The following RB1 variants were observed in gnomAD, a reference collection of about 807,000 sequenced individuals.
RB1 encodes retinoblastoma-associated protein.
A neutral mutation model predicts 135.4 loss-of-function variants in RB1; 18 were observed. The observed-to-expected ratio is 0.13, with a 90% CI of 0.09 to 0.20. RB1 has a LOEUF of 0.20. RB1 is among the 10% of genes least tolerant of loss of function. The probability of loss-of-function intolerance (pLI) is 1.00; values close to 1 mark genes in which losing one functional copy is unlikely to be tolerated. For missense variants in RB1, 868 were observed against 1,110.0 expected (o/e 0.78, Z 3.10); for synonymous variants, 365 against 373.2 (o/e 0.98, Z 0.25).
At chr13:48,433,924 A>G (rs193128108) in intron 17 of RB1, among the ~76,000 whole-genome samples, 28 of 151,684 alleles carry the variant, frequency 1.8e-4, no homozygotes, top group African/African-American at 5.8e-4. Context: ...GGGTCTTGCT[A>G]TGTTGCCCAG....
At chr13:48,451,112 T>A (rs1217847909) in intron 17 of RB1, among the ~76,000 whole-genome samples, 1 of 151,862 alleles carries the variant, frequency 6.6e-6, no homozygotes, top group Non-Finnish European at 1.5e-5. Flanking sequence ...TCTTCCTATA[T>A]GAATATCTTT....
chr13:48,388,826 A>G (rs1948590895), intron 17 of RB1, among the ~76,000 whole-genome samples: 1 of 152,158 alleles, frequency 6.6e-6, no homozygotes, highest in Admixed American at 6.6e-5. Context: ...TTGAAATAGA[A>G]CAGCCAGGAA....
intron 17 of RB1, among the ~76,000 whole-genome samples, chr13:48,405,832 A>G (rs1474079718): frequency 6.6e-6 from 1 of 152,180 alleles, no homozygotes; most frequent in African/African-American, 2.4e-5. Flanking sequence ...TCTTTTTATA[A>G]AAATAAGCAG....
At position 48,319,376 on chromosome 13, in the gene RB1, G is replaced by A. The variant is rs117465025; in HGVS notation, c.264+11970G>A. 6.3e-3 allele frequency: 2,857 copies of A among 453,714 alleles called. 19 individuals are homozygous for A. Among genetic ancestry groups the A allele is most frequent in the Non-Finnish European group, 8.5e-3 (2,064 of 243,638 alleles). The allele number at this position is 453,714 out of a possible 1,614,324, so 28.1% of individuals were successfully genotyped here. A position where few individuals can be genotyped will look rare whatever the true frequency, so the allele number is the denominator to read the frequency against. On this transcript the variant is annotated intron_variant, in intron 2 of 26. Transcript: ENST00000267163. The surrounding 1 kb of genome is among the most constrained non-coding windows in gnomAD (Gnocchi z 5.0). Reference sequence around the variant, plus strand: ...TTTGCCGCAGCTAGTACACCTGGATGGCCTCCTCAGTGCCGTCGTTGCTGC... The same window carrying A: ...TTTGCCGCAGCTAGTACACCTGGATAGCCTCCTCAGTGCCGTCGTTGCTGC...
intron 4 of RB1, among the ~76,000 whole-genome samples, chr13:48,346,378 G>C (rs903378032): frequency 1.8e-5 from 2 of 112,670 alleles, no homozygotes; most frequent in Admixed American, 7.8e-5. Flanking sequence ...ATATGTGTGT[G>C]TGTGTGTGTG....
At chr13:48,414,119 A>T (rs1948866223) in intron 17 of RB1, among the ~76,000 whole-genome samples, 1 of 152,156 alleles carries the variant, frequency 6.6e-6, no homozygotes, top group Non-Finnish European at 1.5e-5. Context: ...AGGCCGAGGC[A>T]GGTGGATCAC....
chr13:48,314,498 G>T (rs1423360141), intron 2 of RB1, among the ~76,000 whole-genome samples: 2 of 151,636 alleles, frequency 1.3e-5, no homozygotes, highest in African/African-American at 4.8e-5. Context: ...TATTTTTTTT[G>T]GATAAGAGCA....
chr13:48,346,793 A>T (rs986419518), intron 4 of RB1, among the ~76,000 whole-genome samples: 4 of 152,112 alleles, frequency 2.6e-5, no homozygotes, highest in Admixed American at 2.6e-4. Context: ...AAATGACTGG[A>T]GAGAAGTTTA....
chr13:48,444,872 C>T (rs567506037), intron 17 of RB1: 1 of 152,122 alleles, frequency 6.6e-6, no homozygotes, highest in Non-Finnish European at 1.5e-5. Context: ...AGAGAAGGTC[C>T]GAGGCCTGCC....
intron 20 of RB1, among the ~76,000 whole-genome samples, chr13:48,461,257 T>C (rs1280192866): frequency 1.3e-5 from 2 of 152,220 alleles, no homozygotes; most frequent in Non-Finnish European, 2.9e-5. Flanking sequence ...CATGGAATTA[T>C]ATAATATGTG....
At chr13:48,315,791 A>G (rs889310226) in intron 2 of RB1, among the ~76,000 whole-genome samples, 2 of 151,064 alleles carry the variant, frequency 1.3e-5, no homozygotes, top group African/African-American at 5.0e-5. Flanking sequence ...TGCAGTTGTG[A>G]ATTGTGCTGC....
intron 17 of RB1, among the ~76,000 whole-genome samples, chr13:48,398,633 T>G (rs1265275267): frequency 6.6e-6 from 1 of 152,072 alleles, no homozygotes; most frequent in East Asian, 1.9e-4. Flanking sequence ...GTCACCCAGT[T>G]GGCATTTGAA....
At chr13:48,338,369 T>C (rs1395766635) in intron 2 of RB1, among the ~76,000 whole-genome samples, 2 of 152,232 alleles carry the variant, frequency 1.3e-5, no homozygotes, top group Non-Finnish European at 2.9e-5. Flanking sequence ...TTGTAGGCTT[T>C]ATTTGTTTCT....
intron 9 of RB1, 151 bp downstream of exon 9, chr13:48,365,122 T>G: frequency 1.1e-6 from 1 of 949,580 alleles, no homozygotes. Flanking sequence ...TGAAACTAAC[T>G]TTTGTATAGT....
chr13:48,354,749 G>A (rs925473505), intron 6 of RB1, among the ~76,000 whole-genome samples: 7 of 151,990 alleles, frequency 4.6e-5, no homozygotes, highest in Admixed American at 4.6e-4. Context: ...AGAACAGAGA[G>A]CCCAGAAACA....
At chr13:48,305,302 T>C (rs779315575) in intron 1 of RB1, among the ~76,000 whole-genome samples, 1 of 152,214 alleles carries the variant, frequency 6.6e-6, no homozygotes, top group South Asian at 2.1e-4. Context: ...ATTAAAAATT[T>C]ATATATTTAA....
intron 17 of RB1, among the ~76,000 whole-genome samples, chr13:48,421,570 G>A (rs1214153846): frequency 6.6e-6 from 1 of 152,132 alleles, no homozygotes; most frequent in Admixed American, 6.5e-5. Context: ...TATCATCAGA[G>A]TGAACAGGCA....
At chr13:48,478,807 A>C (rs1949519337) in intron 26 of RB1, among the ~76,000 whole-genome samples, 1 of 152,182 alleles carries the variant, frequency 6.6e-6, no homozygotes, top group Admixed American at 6.5e-5. Context: ...AGGGCATTCC[A>C]TTTTTCCAAA....
At position 48,367,596 on chromosome 13, in the gene RB1, A is replaced by G. The variant is rs780772793; in HGVS notation, c.1042A>G (p.Ile348Val). The change falls in exon 10 of 27, where the codon ATA becomes GTA. Residue 348 changes from isoleucine (I) to valine (V), a missense_variant. Around this residue, in one of 3 missense-constraint regions of RB1, gnomAD observed 641 missense variants for 791.3 expected, o/e 0.81. Transcript: ENST00000267163. ...TGATAAAACTCTTCAGACTGATTCTATAGACAGGTATTGCACATGGTATAT... is the reference window on the plus strand; with the variant it reads ...TGATAAAACTCTTCAGACTGATTCTGTAGACAGGTATTGCACATGGTATAT... The part of the protein sequence containing the change: ...DHDKTLQTDS[I>V]DSFETQRTPR... 2 of 1,603,484 alleles carry G rather than the reference A, an allele frequency of 1.2e-6. No homozygotes were observed. Among genetic ancestry groups the G allele is most frequent in the Non-Finnish European group, 1.7e-6 (2 of 1,173,418 alleles).
Sources: gnomAD v4.1 joint callset for allele counts (sites outside exome capture counted in the v4.1 genomes callset) on GRCh38, gnomAD v4.1.1 for gene constraint, gnomAD v4.1.1 regional missense constraint, Gnocchi (gnomAD v3.1) non-coding constraint, MANE v1.5 for transcripts, NCBI Gene and HGNC (gene_info 2026-07-23, HGNC 2026-07-21) for gene names.